Variants in HECW1 observed in about 807,000 individuals in gnomAD.
The protein encoded by HECW1 is E3 ubiquitin-protein ligase HECW1.
A neutral mutation model predicts 182.3 loss-of-function variants in HECW1; 61 were observed. That is an observed-to-expected ratio of 0.33 (90% CI 0.27 to 0.41). HECW1 has a LOEUF of 0.41. HECW1 is among the 10% of genes least tolerant of loss of function. HECW1 has a pLI of 1.00. For synonymous variants in HECW1, 859 were observed against 832.6 expected (o/e 1.03, Z -0.55); for missense variants, 1,739 against 2,108.9 (o/e 0.82, Z 3.44).
intron 16 of HECW1, 96 bp from the exon 17 acceptor site, chr7:43,479,514 T>C: frequency 7.0e-7 from 1 of 1,422,432 alleles, no homozygotes; most frequent in South Asian, 1.2e-5. Context: ...GAAATAAACC[T>C]GAGGCCTGGG....
intron 5 of HECW1, among the ~76,000 whole-genome samples, chr7:43,353,592 A>G (rs931761359): frequency 6.6e-6 from 1 of 151,584 alleles, no homozygotes; most frequent in East Asian, 1.9e-4. Flanking sequence ...AACTCTGAGC[A>G]GATGGTAAGA....
chr7:43,187,641 A>G (rs193264464), intron 2 of HECW1, among the ~76,000 whole-genome samples: 149 of 151,966 alleles, frequency 9.8e-4, no homozygotes, highest in Non-Finnish European at 1.9e-3. Flanking sequence ...TTTCCTTTAT[A>G]TTATAATTTT....
At chr7:43,507,817 C>G (rs2079650705) in intron 22 of HECW1, among the ~76,000 whole-genome samples, 1 of 152,168 alleles carries the variant, frequency 6.6e-6, no homozygotes. Context: ...GAAGTGTACA[C>G]ATTTTCCTTG....
chr7:43,125,191 A>G (rs997155204), intron 2 of HECW1, among the ~76,000 whole-genome samples: 5 of 152,056 alleles, frequency 3.3e-5, no homozygotes, highest in African/African-American at 1.2e-4. Flanking sequence ...CTCATGACCT[A>G]TTACCTTCAA....
chr7:43,199,471 C>T (rs1490418475), intron 2 of HECW1, among the ~76,000 whole-genome samples: 1 of 152,114 alleles, frequency 6.6e-6, no homozygotes, highest in Non-Finnish European at 1.5e-5. Context: ...TCTTTTCCCC[C>T]TGGAACTTAC....
At chr7:43,453,318 A>T (rs79819354) in intron 12 of HECW1, among the ~76,000 whole-genome samples, 1,702 of 152,294 alleles carry the variant, frequency 0.011, 36 homozygotes, top group African/African-American at 0.039. Context: ...CATATATTTT[A>T]AAGGTAGATT....
chr7:43,154,522 T>C (rs1252384363), intron 2 of HECW1, among the ~76,000 whole-genome samples: 1 of 152,250 alleles, frequency 6.6e-6, no homozygotes, highest in African/African-American at 2.4e-5. Context: ...ATTCTCGTTG[T>C]AGTAATCAGT....
At chr7:43,507,360 G>A (rs943619711) in intron 22 of HECW1, 103 bp downstream of exon 22, 23 of 1,145,894 alleles carry the variant, frequency 2.0e-5, no homozygotes, top group Non-Finnish European at 2.5e-5. Context: ...CTACTCTGGT[G>A]TGGTAGTGGT....
chr7:43,177,974 G>C (rs1792423584), intron 2 of HECW1, among the ~76,000 whole-genome samples: 2 of 152,154 alleles, frequency 1.3e-5, no homozygotes, highest in South Asian at 4.1e-4. Context: ...TCAGACATCT[G>C]TTTGATCTCC....
intron 17 of HECW1, among the ~76,000 whole-genome samples, chr7:43,481,791 T>C (rs2078443920): frequency 6.6e-6 from 1 of 152,008 alleles, no homozygotes; most frequent in Admixed American, 6.5e-5. Context: ...AAGACCATCC[T>C]GGCTAACATG....
intron 3 of HECW1, among the ~76,000 whole-genome samples, chr7:43,289,237 G>GATGGGAT (rs1432753058): frequency 6.6e-6 from 1 of 151,988 alleles, no homozygotes; most frequent in Non-Finnish European, 1.5e-5. Flanking sequence ...CTCCCGAGTA[G>GATGGGAT]ATGGGATTAC....
chr7:43,534,374 C>T (rs565094318), intron 24 of HECW1, among the ~76,000 whole-genome samples: 34 of 152,274 alleles, frequency 2.2e-4, no homozygotes, highest in African/African-American at 8.2e-4. Context: ...TCATTACATA[C>T]TAATTCCTGC....
Position 43,550,552 on chromosome 7 carries a change from G to T in HECW1, c.4356G>T (p.Val1452=), listed in dbSNP as rs1426358661. Residue 1452 remains valine, a synonymous_variant, in exon 27 of 30, where the codon GTG becomes GTT. Transcript: ENST00000395891. Reference sequence around the variant, plus strand: ...TGAAGTGGCGGGTGGAGCGCGGCGTGGTACAGCAGACCGAGGCGCTGGTGC... The same window carrying T: ...TGAAGTGGCGGGTGGAGCGCGGCGTTGTACAGCAGACCGAGGCGCTGGTGC... The part of the protein sequence containing the change: ...RMVKWRVERG[V]VQQTEALVRG... 3.1e-6 allele frequency: 5 copies of T among 1,610,668 alleles called. No individual in the cohort carries two copies. The highest frequency in any genetic ancestry group is 4.2e-6 in the Non-Finnish European group (5 of 1,178,570).
At chr7:43,484,195 T>C (rs904630766) in intron 17 of HECW1, 21 of 152,280 alleles carry the variant, frequency 1.4e-4, no homozygotes, top group Admixed American at 6.5e-5. Context: ...GTTCCAGCTG[T>C]GTGATTCTCA....
At chr7:43,275,922 T>C (rs1233324263) in intron 3 of HECW1, among the ~76,000 whole-genome samples, 2 of 152,232 alleles carry the variant, frequency 1.3e-5, no homozygotes, top group African/African-American at 4.8e-5. Context: ...ATTTTCTTAC[T>C]AGATTTTTGT....
chr7:43,140,605 T>C (rs1236661791), intron 2 of HECW1, among the ~76,000 whole-genome samples: 1 of 152,214 alleles, frequency 6.6e-6, no homozygotes, highest in Non-Finnish European at 1.5e-5. Context: ...AAAGATCCTC[T>C]AGTCTTAAAT....
At chr7:43,502,961 G>A (rs1236730581) in intron 21 of HECW1, among the ~76,000 whole-genome samples, 5 of 152,166 alleles carry the variant, frequency 3.3e-5, no homozygotes, top group Admixed American at 2.6e-4. Flanking sequence ...AAGGGATGTC[G>A]CACTCAGAGT....
At chr7:43,248,741 C>T (rs1198311784) in intron 3 of HECW1, 4 of 145,076 alleles carry the variant, frequency 2.8e-5, no homozygotes, top group African/African-American at 1.1e-4. Flanking sequence ...CCTCCTCCTT[C>T]TCCTGTCCCT....
At chr7:43,181,718 T>C (rs1416002886) in intron 2 of HECW1, among the ~76,000 whole-genome samples, 1 of 151,046 alleles carries the variant, frequency 6.6e-6, no homozygotes, top group Non-Finnish European at 1.5e-5. Context: ...GAGTTCCTAA[T>C]ATATTCTGGA....
Sources: allele counts gnomAD v4.1 joint callset (sites outside exome capture counted in the v4.1 genomes callset), GRCh38; gene constraint gnomAD v4.1.1; transcripts MANE v1.5; gene names NCBI Gene and HGNC (gene_info 2026-07-23, HGNC 2026-07-21).